Variants in LARGE1 observed in about 807,000 individuals in gnomAD.
LARGE1 encodes xylosyl- and glucuronyltransferase LARGE1.
In LARGE1, 43 loss-of-function variants were observed where a neutral mutation model predicts 87.6. The ratio of observed to expected loss-of-function variants is 0.49; its 90% confidence interval spans 0.38 to 0.63. LARGE1 has a LOEUF of 0.63. Among genes scored for constraint, LARGE1 ranks in the 30% least tolerant of loss-of-function variants. The pLI, the probability that LARGE1 is intolerant of heterozygous loss-of-function variation, is 0.00. For missense variants in LARGE1, 802 were observed against 1,000.2 expected (o/e 0.80, Z 2.67); for synonymous variants, 434 against 394.6 (o/e 1.10, Z -1.18).
chr22:33,641,257 T>C (rs2149137496), intron 3 of LARGE1, among the ~76,000 whole-genome samples: 1 of 152,126 alleles, frequency 6.6e-6, no homozygotes, highest in African/African-American at 2.4e-5. Context: ...GCAAACAGGG[T>C]ATGGAGTGGA....
chr22:33,305,901 T>G (rs1402766206), intron 11 of LARGE1, among the ~76,000 whole-genome samples: 1 of 147,430 alleles, frequency 6.8e-6, no homozygotes. Flanking sequence ...TGCAGTGGCG[T>G]GATCTCAGCT....
chr22:33,690,255 C>T lies in LARGE1; in HGVS notation c.107-39587G>A, dbSNP rs534232737. On this transcript the variant is annotated intron_variant, in intron 2 of 14. Transcript: ENST00000397394. ...GTTAGGCAAAATGAAGTAACAGCTA[C>T]GTGACCTTCAGAAAGCTGGTTAATG... 1.2e-4 allele frequency among the ~76,000 whole-genome samples: 18 copies of T among 152,338 alleles called. No homozygotes were observed. The South Asian group carries it at 1.9e-3, about 16-fold the overall frequency.
chr22:33,477,714 T>C (rs1438100453), intron 6 of LARGE1, among the ~76,000 whole-genome samples: 1 of 152,192 alleles, frequency 6.6e-6, no homozygotes, highest in East Asian at 1.9e-4. Flanking sequence ...AGTATGGCTA[T>C]GACCCAGGAA....
the LARGE1 span, among the ~76,000 whole-genome samples, chr22:33,123,728 G>A: frequency 6.6e-6 from 1 of 152,184 alleles, no homozygotes; most frequent in Non-Finnish European, 1.5e-5. Flanking sequence ...GGGAAGGGGT[G>A]AACAGCATTT....
At chr22:33,141,623 C>T in the LARGE1 span, among the ~76,000 whole-genome samples, 1 of 152,074 alleles carries the variant, frequency 6.6e-6, no homozygotes, top group Non-Finnish European at 1.5e-5. Flanking sequence ...AGTTATAATG[C>T]TCCCAATACA....
At chr22:33,443,762 T>C (rs1489780418) in intron 6 of LARGE1, among the ~76,000 whole-genome samples, 1 of 152,244 alleles carries the variant, frequency 6.6e-6, no homozygotes, top group East Asian at 1.9e-4. Flanking sequence ...ATGATTTTTC[T>C]CTTCTTCCTT....
At chr22:33,657,154 GGGGTGAC>G (rs2080984235) in intron 2 of LARGE1, 1 of 152,246 alleles carries the variant, frequency 6.6e-6, no homozygotes, top group African/African-American at 2.4e-5. Flanking sequence ...GACCCTTTCA[GGGGTGAC>G]AGACCCAGAT....
intron 12 of LARGE1, among the ~76,000 whole-genome samples, chr22:33,296,440 T>C (rs2146048976): frequency 6.6e-6 from 1 of 152,340 alleles, no homozygotes; most frequent in East Asian, 1.9e-4. Context: ...CAAGCCATGA[T>C]GATGGTCATG....
At chr22:33,294,091 T>G (rs1282709794) in intron 12 of LARGE1, among the ~76,000 whole-genome samples, 1 of 152,246 alleles carries the variant, frequency 6.6e-6, no homozygotes, top group East Asian at 1.9e-4. Flanking sequence ...GGTAACCATT[T>G]GGGACCTCTT....
chr22:33,741,788 T>G (rs2083892632), intron 2 of LARGE1, among the ~76,000 whole-genome samples: 4 of 152,156 alleles, frequency 2.6e-5, no homozygotes, highest in South Asian at 2.1e-4. Context: ...TGTCCTGCAA[T>G]CACCTTGCAA....
chr22:33,737,412 G>A (rs147774313), intron 2 of LARGE1, among the ~76,000 whole-genome samples: 169 of 152,258 alleles, frequency 1.1e-3, no homozygotes, highest in African/African-American at 3.9e-3. Context: ...GCTAAGTCCT[G>A]GCATTTTAAC....
At position 33,283,430 on chromosome 22, in the gene LARGE1, T is replaced by C. The variant is rs942257788; in HGVS notation, c.1731-82A>G. On this transcript the variant is annotated intron_variant, in intron 12 of 14. Coordinates refer to ENST00000397394, the MANE Select transcript of LARGE1 (RefSeq NM_133642.5). ...TTCCCCCATGAGGGCGGGGTGGTCA[T>C]TGGCCCGGGGAAGTGTGGGAAAGAA... is the stretch of plus-strand genomic sequence containing the variant. 3.3e-5 allele frequency: 49 copies of C among 1,497,766 alleles called. No homozygotes were observed. The African/African-American group carries it at 6.2e-4, about 19-fold the overall frequency. The allele number at this position is 1,497,766 out of a possible 1,614,324, so 92.8% of individuals were successfully genotyped here. A position where few individuals can be genotyped will look rare whatever the true frequency, so the allele number is the denominator to read the frequency against.
intron 10 of LARGE1, among the ~76,000 whole-genome samples, chr22:33,323,980 C>T (rs1936992348): frequency 6.6e-6 from 1 of 152,024 alleles, no homozygotes; most frequent in Non-Finnish European, 1.5e-5. Context: ...GCCTATAATC[C>T]CAATACTTTG....
intron 1 of LARGE1, among the ~76,000 whole-genome samples, chr22:33,822,093 T>C (rs564196942): frequency 1.3e-5 from 2 of 152,246 alleles, no homozygotes; most frequent in South Asian, 4.2e-4. Context: ...AATTATGTAT[T>C]CCCAACCTTG....
rs138940181 is a variant in LARGE1 at position 33,182,515 on chromosome 22, T to C, written c.1731-15683A>G. 5.2e-3 allele frequency among the ~76,000 whole-genome samples: 785 copies of C among 150,736 alleles called. 7 individuals are homozygous for C. The highest frequency in any genetic ancestry group is 6.9e-3 in the Non-Finnish European group (470 of 67,630). ...TTAAAAAATAGTGTCAGACCCTGAATAGCCAAAGCAATCTGGAGAAAGAAG... is the reference window on the plus strand; with the variant it reads ...TTAAAAAATAGTGTCAGACCCTGAACAGCCAAAGCAATCTGGAGAAAGAAG... On this transcript the variant is annotated intron_variant, in intron 11 of 11. Transcript: ENST00000608642.
At chr22:33,793,852 G>C (rs904478236) in intron 1 of LARGE1, among the ~76,000 whole-genome samples, 1 of 151,996 alleles carries the variant, frequency 6.6e-6, no homozygotes, top group South Asian at 2.1e-4. Flanking sequence ...CAAAGAGGGG[G>C]TGGTGTGAGA....
At chr22:33,867,112 C>A (rs929711872) in intron 1 of LARGE1, among the ~76,000 whole-genome samples, 2 of 152,030 alleles carry the variant, frequency 1.3e-5, no homozygotes, top group African/African-American at 4.8e-5. Flanking sequence ...GGAGGAGGCT[C>A]AATAATGCAC....
At chr22:33,683,972 T>C (rs1341756386) in intron 2 of LARGE1, among the ~76,000 whole-genome samples, 2 of 152,140 alleles carry the variant, frequency 1.3e-5, no homozygotes, top group Non-Finnish European at 2.9e-5. Flanking sequence ...GTTGTAGTAA[T>C]AGCAGCAAGA....
intron 3 of LARGE1, among the ~76,000 whole-genome samples, chr22:33,629,783 C>T (rs1338500606): frequency 1.3e-5 from 2 of 152,172 alleles, no homozygotes; most frequent in East Asian, 1.9e-4. Flanking sequence ...AACATTCCTC[C>T]TATCAAAGGG....
Sources: allele counts gnomAD v4.1 joint callset (sites outside exome capture counted in the v4.1 genomes callset), GRCh38; gene constraint gnomAD v4.1.1; transcripts MANE v1.5; gene names NCBI Gene and HGNC (gene_info 2026-07-23, HGNC 2026-07-21).